The following RELN variants were observed in gnomAD, a reference collection of about 807,000 sequenced individuals.
The protein encoded by RELN is reelin.
Under a neutral mutation model 427.6 loss-of-function variants are expected in RELN, and 108 were observed. That is an observed-to-expected ratio of 0.25 (90% CI 0.22 to 0.30). The LOEUF (loss-of-function observed/expected upper bound fraction) is 0.30, where lower values mean the gene tolerates loss of function less well. Ranked by LOEUF, RELN falls within the 10% of genes least tolerant of loss-of-function variation. The pLI is 1.00. For missense variants in RELN, 3,715 were observed against 4,302.8 expected (o/e 0.86, Z 3.82); for synonymous variants, 1,524 against 1,513.4 (o/e 1.01, Z -0.16).
intron 8 of RELN, among the ~76,000 whole-genome samples, chr7:103,706,054 T>C (rs888888500): frequency 2.6e-5 from 4 of 152,192 alleles, no homozygotes; most frequent in Admixed American, 1.3e-4. Flanking sequence ...TTACAGTACA[T>C]TTTTCCTCTA....
intron 27 of RELN, among the ~76,000 whole-genome samples, chr7:103,593,225 T>C (rs559348246): frequency 1.1e-3 from 172 of 152,200 alleles, no homozygotes; most frequent in Non-Finnish European, 2.0e-3. Flanking sequence ...AAGAAGCTTT[T>C]AAGAGAACAA....
At chr7:103,793,059 A>G (rs1322274422) in intron 3 of RELN, among the ~76,000 whole-genome samples, 4 of 152,220 alleles carry the variant, frequency 2.6e-5, no homozygotes, top group Admixed American at 2.6e-4. Context: ...CAAGGAAACT[A>G]TAAAGCCTCA....
chr7:103,584,158 T>C (rs769594392), intron 28 of RELN, among the ~76,000 whole-genome samples: 6 of 152,184 alleles, frequency 3.9e-5, no homozygotes, highest in Non-Finnish European at 7.3e-5. Context: ...ACAGGGAGTA[T>C]TGCTCCCCAG....
chr7:103,714,549 T>G (rs1465517761), intron 8 of RELN, among the ~76,000 whole-genome samples: 1 of 152,216 alleles, frequency 6.6e-6, no homozygotes, highest in Non-Finnish European at 1.5e-5. Flanking sequence ...CGTCTGACAG[T>G]GTGTGCACAT....
At chr7:103,820,560 A>G (rs937373674) in intron 3 of RELN, among the ~76,000 whole-genome samples, 22 of 151,944 alleles carry the variant, frequency 1.4e-4, no homozygotes, top group Non-Finnish European at 2.6e-4. Context: ...TCTTAAAAAA[A>G]AAAAACTATT....
At chr7:103,700,572 A>G (rs1032720178) in intron 9 of RELN, among the ~76,000 whole-genome samples, 1 of 152,090 alleles carries the variant, frequency 6.6e-6, no homozygotes, top group African/African-American at 2.4e-5. Flanking sequence ...TCCAGACCAT[A>G]AGGCAGGCCA....
intron 10 of RELN, among the ~76,000 whole-genome samples, chr7:103,684,088 T>C (rs994373186): frequency 4.6e-5 from 7 of 152,180 alleles, no homozygotes; most frequent in Admixed American, 1.3e-4. Context: ...ATGGTCTTAG[T>C]GAAACCAGTG....
At chr7:103,629,163 G>T (rs566058718) in intron 20 of RELN, among the ~76,000 whole-genome samples, 1 of 152,304 alleles carries the variant, frequency 6.6e-6, no homozygotes, top group Admixed American at 6.5e-5. Context: ...CACAAAGGTA[G>T]CTTTCTCCGA....
intron 7 of RELN, among the ~76,000 whole-genome samples, chr7:103,725,533 A>C (rs1247687093): frequency 6.6e-6 from 1 of 152,152 alleles, no homozygotes; most frequent in Non-Finnish European, 1.5e-5. Context: ...GCACACCTGG[A>C]CACCAGCCTA....
At position 103,955,422 on chromosome 7, in the gene RELN, T is replaced by C. The variant is rs78850164; in HGVS notation, c.226+33709A>G. On this transcript the variant is annotated intron_variant, in intron 1 of 64. Transcript: ENST00000428762. ...CCTAGTAGACCTTCAGGTAATTTTC[T>C]CCAGCAGCACAGAAATGGTTATGAC... Among the ~76,000 whole-genome samples, 543 of 152,328 alleles carry C rather than the reference T, an allele frequency of 3.6e-3. 5 individuals carry two copies. Among genetic ancestry groups the C allele is most frequent in the African/African-American group, 0.013 (525 of 41,580 alleles).
intron 24 of RELN, among the ~76,000 whole-genome samples, chr7:103,602,946 G>A (rs1413674459): frequency 2.0e-5 from 3 of 152,068 alleles, no homozygotes; most frequent in Non-Finnish European, 4.4e-5. Context: ...GCCTCACACT[G>A]ACACACCCTC....
At chr7:103,797,117 C>T (rs779589550) in intron 3 of RELN, among the ~76,000 whole-genome samples, 4 of 151,916 alleles carry the variant, frequency 2.6e-5, no homozygotes, top group Non-Finnish European at 4.4e-5. Flanking sequence ...CAGAGCGTCG[C>T]TCTTGTCACC....
intron 6 of RELN, among the ~76,000 whole-genome samples, chr7:103,747,412 A>G (rs1790870231): frequency 7.7e-6 from 1 of 130,220 alleles, no homozygotes; most frequent in Non-Finnish European, 1.7e-5. Flanking sequence ...TTAAAGTATA[A>G]TAATAATAAA....
intron 2 of RELN, among the ~76,000 whole-genome samples, chr7:103,882,760 A>T (rs1479183036): frequency 1.3e-5 from 2 of 152,218 alleles, no homozygotes; most frequent in Admixed American, 6.5e-5. Flanking sequence ...GAATCCCTGA[A>T]CAGACCAAAA....
Position 103,640,293 on chromosome 7 carries a change from G to A in RELN, c.2069+250C>T, listed in dbSNP as rs988142000. On this transcript the variant is annotated intron_variant, in intron 17 of 64. Coordinates refer to ENST00000428762, the MANE Select transcript of RELN (RefSeq NM_005045.4). This position sits in a 1 kb window ranked among gnomAD's most constrained non-coding sequence, Gnocchi z 4.1. ...GCAGGAAAGGCAGCCATCAAGCTGTGAGGAATTCCAATTTGTTCACAAATT... is the reference window on the plus strand; with the variant it reads ...GCAGGAAAGGCAGCCATCAAGCTGTAAGGAATTCCAATTTGTTCACAAATT... Among the ~76,000 whole-genome samples the A allele has an allele frequency of 6.6e-6, 1 of 152,154 alleles. No homozygotes were observed. The highest frequency in any genetic ancestry group is 1.5e-5 in the Non-Finnish European group (1 of 68,018).
chr7:103,490,031 G>A (rs1482622903), intron 59 of RELN, 132 bp from the exon 60 acceptor site: 2 of 1,002,614 alleles, frequency 2.0e-6, no homozygotes, highest in African/African-American at 1.6e-5. Context: ...GAAGCACCCT[G>A]CTGGCAGAGG....
At chr7:103,481,177 A>G (rs1828222504) in intron 63 of RELN, among the ~76,000 whole-genome samples, 1 of 152,202 alleles carries the variant, frequency 6.6e-6, no homozygotes, top group African/African-American at 2.4e-5. Flanking sequence ...CCTGCTTTTT[A>G]ATCTTAGTAT....
rs796412520 is a variant in RELN, at chr7:103,988,664, A to G, written c.226+467T>C. 9.2e-5 allele frequency among the ~76,000 whole-genome samples: 14 copies of G among 152,320 alleles called. No homozygotes were observed. The highest frequency in any genetic ancestry group is 3.4e-4 in the African/African-American group (14 of 41,574). On this transcript the variant is annotated intron_variant, in intron 1 of 64. Coordinates refer to ENST00000428762, the MANE Select transcript of RELN (RefSeq NM_005045.4). This position sits in a 1 kb window ranked among gnomAD's most constrained non-coding sequence, Gnocchi z 4.9. ...CGGTCGAGCGGCGCGGGGCAGCCAC[A>G]GACCTGGGCGCTTCAATCTGTCACC...
intron 3 of RELN, among the ~76,000 whole-genome samples, chr7:103,832,915 C>T (rs186183837): frequency 4.6e-5 from 7 of 152,140 alleles, no homozygotes; most frequent in East Asian, 1.9e-4. Context: ...TTTTGTAACC[C>T]GTCTTCACCA....
Sources: allele counts gnomAD v4.1 joint callset (sites outside exome capture counted in the v4.1 genomes callset), GRCh38; gene constraint gnomAD v4.1.1; non-coding constraint Gnocchi (gnomAD v3.1); transcripts MANE v1.5; gene names NCBI Gene and HGNC (gene_info 2026-07-23, HGNC 2026-07-21).